The following HTR2B variants were observed in gnomAD, a reference collection of about 807,000 sequenced individuals.
HTR2B encodes 5-hydroxytryptamine receptor 2B, also known as 5-HT 2B receptor.
Under a neutral mutation model 39.8 loss-of-function variants are expected in HTR2B, and 31 were observed. The observed-to-expected ratio is 0.78, with a 90% CI of 0.58 to 1.05. The LOEUF (loss-of-function observed/expected upper bound fraction) is 1.05, where lower values mean the gene tolerates loss of function less well. Among genes scored for constraint, HTR2B ranks in the 50% least tolerant of loss-of-function variants. The pLI is 0.00. For synonymous variants in HTR2B, 210 were observed against 207.1 expected, an observed-to-expected ratio of 1.01 and a Z score of -0.12; for missense variants, 562 against 578.0, an observed-to-expected ratio of 0.97 and a Z score of 0.28.
intron 2 of HTR2B, among the ~76,000 whole-genome samples, chr2:231,117,667 T>C (rs1041094721): frequency 9.2e-5 from 14 of 152,126 alleles, no homozygotes; most frequent in Non-Finnish European, 1.3e-4. Context: ...CATTCAGTTA[T>C]ATAAATTTTT....
At chr2:231,114,266 T>G (rs1695257726) in intron 2 of HTR2B, among the ~76,000 whole-genome samples, 1 of 152,224 alleles carries the variant, frequency 6.6e-6, no homozygotes, top group South Asian at 2.1e-4. Context: ...GACTGGAACT[T>G]AACCTTGGTA....
In HTR2B at chr2:231,108,473, A is replaced by G; in HGVS notation, c.*44T>C. 1 of 1,420,238 alleles carries G rather than the reference A, an allele frequency of 7.0e-7. No individual in the cohort carries two copies. Among genetic ancestry groups the G allele is most frequent in the Non-Finnish European group, 9.9e-7 (1 of 1,006,680 alleles). 88.0% of individuals were successfully genotyped at this position (1,420,238 alleles called of 1,614,324 possible). On this transcript the variant is annotated 3_prime_UTR_variant, in exon 4 of 4. Transcript: ENST00000258400. ...TTCTTGGCACATTTACATCTCATTC[A>G]TCATCTTACTCATCATTATGTTTGA...
At position 231,123,811 on chromosome 2, in the gene HTR2B, T is replaced by TACC; in HGVS notation, c.-48_-47insGGT. Reference sequence around the variant, plus strand: ...ATCCCGTTCCGAACAGTGGTCAGCATGGTTAGTAGCTAAGCTGCTCATCTG... The same window carrying TACC: ...ATCCCGTTCCGAACAGTGGTCAGCATACCGGTTAGTAGCTAAGCTGCTCATCTG... On this transcript the variant is annotated 5_prime_UTR_variant, in exon 2 of 4. Coordinates refer to ENST00000258400, the MANE Select transcript of HTR2B (RefSeq NM_000867.5). The TACC allele has an allele frequency of 7.2e-7, 1 of 1,390,402 alleles. No individual in the cohort carries two copies. Among genetic ancestry groups the TACC allele is most frequent in the Non-Finnish European group, 1.0e-6 (1 of 976,678 alleles). The allele number at this position is 1,390,402 out of a possible 1,614,324, so 86.1% of individuals were successfully genotyped here. A position where few individuals can be genotyped will look rare whatever the true frequency, so the allele number is the denominator to read the frequency against.
chr2:231,122,073 AT>A (rs1695564310), intron 2 of HTR2B, among the ~76,000 whole-genome samples: 1 of 152,102 alleles, frequency 6.6e-6, no homozygotes, highest in African/African-American at 2.4e-5. Context: ...TTTCTTAATT[AT>A]TTTTCATGGT....
rs181226097 is a variant in HTR2B, at chr2:231,112,725, A to G, written c.553+1004T>C. ...TATAAGAGTTTTGAATGATTTACGC[A>G]TACTTCATGATAAGAAGTATAGCTT... On this transcript the variant is annotated intron_variant, in intron 3 of 3. Transcript: ENST00000258400. Among the ~76,000 whole-genome samples, 46 of 152,348 alleles carry G rather than the reference A, an allele frequency of 3.0e-4. No homozygotes were observed. The East Asian group carries it at 5.6e-3, about 19-fold the overall frequency.
chr2:231,116,645 G>GT (rs113224814), intron 2 of HTR2B, among the ~76,000 whole-genome samples: 8,043 of 152,060 alleles, frequency 0.053, 740 homozygotes, highest in African/African-American at 0.18. Flanking sequence ...AAGAAGGAAA[G>GT]TTTTTTAGTG....
chr2:231,109,438 A>C (rs1234823585), intron 3 of HTR2B, 29 bp from the exon 4 acceptor site: 1 of 1,598,470 alleles, frequency 6.3e-7, no homozygotes, highest in East Asian at 2.2e-5. Context: ...AGATAAATTG[A>C]GTCATTTTAT....
chr2:231,119,251 A>G (rs534975270), intron 2 of HTR2B, among the ~76,000 whole-genome samples: 6 of 152,210 alleles, frequency 3.9e-5, no homozygotes, highest in Admixed American at 3.9e-4. Flanking sequence ...AATAACTGCC[A>G]TTTTTCTCTT....
rs1695027368 is a variant in HTR2B, at chr2:231,108,392, C to T, written c.*125G>A. 3 of 715,006 alleles carry T rather than the reference C, an allele frequency of 4.2e-6. No individual in the cohort carries two copies. In the African/African-American group the frequency reaches 5.4e-5, roughly 13 times the overall value. The allele number at this position is 715,006 out of a possible 1,614,324, so 44.3% of individuals were successfully genotyped here. A position where few individuals can be genotyped will look rare whatever the true frequency, so the allele number is the denominator to read the frequency against. On this transcript the variant is annotated 3_prime_UTR_variant, in exon 4 of 4. Transcript: ENST00000258400. Reference sequence around the variant, plus strand: ...GAAAATTAGATATTCTTAATACTTACATCTTAGGTTAAAGAGATGATTTGA... The same window carrying T: ...GAAAATTAGATATTCTTAATACTTATATCTTAGGTTAAAGAGATGATTTGA...
At chr2:231,121,193 A>C (rs1695528712) in intron 2 of HTR2B, among the ~76,000 whole-genome samples, 1 of 152,158 alleles carries the variant, frequency 6.6e-6, no homozygotes, top group African/African-American at 2.4e-5. Context: ...TGATAGTAAA[A>C]GTGTTTGGGG....
At chr2:231,111,800 T>C (rs1358870254) in intron 3 of HTR2B, among the ~76,000 whole-genome samples, 1 of 152,206 alleles carries the variant, frequency 6.6e-6, no homozygotes, top group African/African-American at 2.4e-5. Flanking sequence ...GAAGTGGATT[T>C]CTAAATCTAT....
chr2:231,115,325 C>T (rs1448430188), intron 2 of HTR2B, among the ~76,000 whole-genome samples: 1 of 152,004 alleles, frequency 6.6e-6, no homozygotes, highest in Admixed American at 6.6e-5. Flanking sequence ...GACAAAGTAT[C>T]CAGAAGGTAG....
In HTR2B at chr2:231,109,307, A is replaced by AGCATGAAATCGC; in HGVS notation, c.644_655dup (p.Met218_Leu219insArgAspPheMet). Reference sequence around the variant, plus strand: ...GAAGAAGGCAGCCAGTGAGCCAAAGAGCATGAAATCGCCAAAACGTTCCTT... The same window carrying AGCATGAAATCGC: ...GAAGAAGGCAGCCAGTGAGCCAAAGAGCATGAAATCGCGCATGAAATCGCCAAAACGTTCCTT... On this transcript the variant is annotated inframe_insertion, in exon 4 of 4. Coordinates refer to ENST00000258400, the MANE Select transcript of HTR2B (RefSeq NM_000867.5). 1.2e-6 allele frequency: 2 copies of AGCATGAAATCGC among 1,614,136 alleles called. No homozygotes were observed. The highest frequency in any genetic ancestry group is 1.7e-6 in the Non-Finnish European group (2 of 1,180,012).
intron 2 of HTR2B, among the ~76,000 whole-genome samples, chr2:231,119,654 T>C (rs1695463076): frequency 6.6e-6 from 1 of 152,060 alleles, no homozygotes; most frequent in Non-Finnish European, 1.5e-5. Context: ...GTGGATCACC[T>C]GAGGTCAGGA....
At chr2:231,114,006 C>A in intron 2 of HTR2B, 77 bp from the exon 3 acceptor site, 1 of 1,152,116 alleles carries the variant, frequency 8.7e-7, no homozygotes, top group East Asian at 2.5e-5. Context: ...TCAGGTGATA[C>A]ATCTTTTGTC....
Position 231,123,395 on chromosome 2 carries a change from A to G in HTR2B, c.352+18T>C, listed in dbSNP as rs750231657. 2 of 1,574,978 alleles carry G rather than the reference A, an allele frequency of 1.3e-6. No homozygotes were observed. Among genetic ancestry groups the G allele is most frequent in the South Asian group, 1.1e-5 (1 of 90,080 alleles). Reference sequence around the variant, plus strand: ...ATAGTTCTGTGGTTTGATGGCACAAACAAAGTGAAATACTTACCAAACATT... The same window carrying G: ...ATAGTTCTGTGGTTTGATGGCACAAGCAAAGTGAAATACTTACCAAACATT... On this transcript the variant is annotated intron_variant, in intron 2 of 3. Coordinates refer to ENST00000258400, the MANE Select transcript of HTR2B (RefSeq NM_000867.5).
chr2:231,114,030 A>G (rs1333662174), intron 2 of HTR2B, 101 bp from the exon 3 acceptor site: 2 of 896,576 alleles, frequency 2.2e-6, no homozygotes, highest in South Asian at 1.4e-5. Flanking sequence ...TTTGTTACTC[A>G]TCTGAAATTT....
Position 231,123,682 on chromosome 2 carries a change from G to A in HTR2B, c.83C>T (p.Ser28Phe). ...ILQSTFVHVI[S>F]SNWSGLQTES... ...TGTCTGTAATCCAGACCAGTTAGAAGAGATAACGTGAACAAAGGTGCTCTG... is the reference window on the plus strand; with the variant it reads ...TGTCTGTAATCCAGACCAGTTAGAAAAGATAACGTGAACAAAGGTGCTCTG... Residue 28 changes from serine (S) to phenylalanine (F), a missense_variant, in exon 2 of 4, where the codon TCT becomes TTT. By Grantham distance (155) the Ser-to-Phe change is radical. Transcript: ENST00000258400. 1 of 1,614,072 alleles carries A rather than the reference G, an allele frequency of 6.2e-7. No individual in the cohort carries two copies. The highest frequency in any genetic ancestry group is 8.5e-7 in the Non-Finnish European group (1 of 1,179,932).
At chr2:231,116,101 A>G (rs1695322339) in intron 2 of HTR2B, among the ~76,000 whole-genome samples, 1 of 152,100 alleles carries the variant, frequency 6.6e-6, no homozygotes, top group Admixed American at 6.5e-5. Flanking sequence ...TTTGGAGAAA[A>G]TCTAATCAAT....
Sources: allele counts gnomAD v4.1 joint callset (sites outside exome capture counted in the v4.1 genomes callset), GRCh38; gene constraint gnomAD v4.1.1; transcripts MANE v1.5; gene names NCBI Gene and HGNC (gene_info 2026-07-23, HGNC 2026-07-21).